BMPR1B: variants seen among roughly 807,000 people sequenced by gnomAD.
BMPR1B encodes the protein bone morphogenetic protein receptor type 1B.
A neutral mutation model predicts 59.1 loss-of-function variants in BMPR1B; 12 were observed. That is an observed-to-expected ratio of 0.20 (90% CI 0.13 to 0.33). The LOEUF is 0.33. Ranked by LOEUF, BMPR1B falls within the 10% of genes least tolerant of loss-of-function variation. The pLI is 1.00. For missense variants in BMPR1B, 550 were observed against 610.9 expected (o/e 0.90, Z 1.05); for synonymous variants, 237 against 207.3 (o/e 1.14, Z -1.23).
intron 3 of BMPR1B, among the ~76,000 whole-genome samples, chr4:95,053,281 T>TTTGTGTGTG (rs947790944): frequency 1.4e-4 from 19 of 134,324 alleles, no homozygotes; most frequent in African/African-American, 3.6e-4. Context: ...TGCAGGGCAC[T>TTTGTGTGTG]TGTGTGTGTG....
intron 3 of BMPR1B, among the ~76,000 whole-genome samples, chr4:95,088,510 G>T (rs1669948714): frequency 6.6e-6 from 1 of 152,108 alleles, no homozygotes; most frequent in Admixed American, 6.5e-5. Flanking sequence ...AGGATATAAT[G>T]ATCCTAGAGG....
At chr4:94,851,000 C>T (rs888765803) in intron 1 of BMPR1B, among the ~76,000 whole-genome samples, 29 of 152,054 alleles carry the variant, frequency 1.9e-4, no homozygotes, top group Admixed American at 6.5e-4. Context: ...AATCACTAAA[C>T]GTTTATTAGA....
At chr4:94,800,899 T>C (rs11929751) in intron 1 of BMPR1B, among the ~76,000 whole-genome samples, 48,080 of 152,064 alleles carry the variant, frequency 0.32, 8,203 homozygotes, top group African/African-American at 0.44. Flanking sequence ...GGATACAACC[T>C]ATTGTGGTCC....
At chr4:94,835,953 C>T (rs919229063) in intron 1 of BMPR1B, among the ~76,000 whole-genome samples, 5 of 142,248 alleles carry the variant, frequency 3.5e-5, no homozygotes, top group African/African-American at 1.3e-4. Flanking sequence ...TGTTCCCCTT[C>T]CTGTGTCCAT....
chr4:95,075,637 C>T (rs1579036424), intron 3 of BMPR1B, among the ~76,000 whole-genome samples: 1 of 152,262 alleles, frequency 6.6e-6, no homozygotes, highest in East Asian at 1.9e-4. Context: ...CAAGTAGGCA[C>T]TCAGATACAG....
At chr4:95,064,317 C>G (rs955079087) in intron 3 of BMPR1B, among the ~76,000 whole-genome samples, 11 of 152,172 alleles carry the variant, frequency 7.2e-5, no homozygotes, top group Admixed American at 1.3e-4. Context: ...GGCAAGTGAG[C>G]ATTATCGCCT....
At chr4:94,842,907 CACTG>C in intron 1 of BMPR1B, among the ~76,000 whole-genome samples, 1 of 116,242 alleles carries the variant, frequency 8.6e-6, no homozygotes, top group East Asian at 2.3e-4. Flanking sequence ...TACACATACA[CACTG>C]TGTGTATGCA....
chr4:95,062,898 GT>G (rs1727506526), intron 3 of BMPR1B, among the ~76,000 whole-genome samples: 1 of 152,046 alleles, frequency 6.6e-6, no homozygotes, highest in South Asian at 2.1e-4. Flanking sequence ...ACTGACTTTG[GT>G]TTTGCAAGCC....
At chr4:94,839,591 T>C (rs916990020) in intron 1 of BMPR1B, among the ~76,000 whole-genome samples, 6 of 149,592 alleles carry the variant, frequency 4.0e-5, no homozygotes, top group African/African-American at 1.5e-4. Context: ...ACCCCTGCCT[T>C]TTTTTGTTTT....
At chr4:94,869,507 G>T (rs1369880519) in intron 1 of BMPR1B, among the ~76,000 whole-genome samples, 3 of 152,146 alleles carry the variant, frequency 2.0e-5, no homozygotes, top group African/African-American at 7.2e-5. Flanking sequence ...ATGCTATTCA[G>T]ATAACATGTA....
intron 1 of BMPR1B, among the ~76,000 whole-genome samples, chr4:94,782,802 A>G (rs899031928): frequency 1.3e-5 from 2 of 152,154 alleles, no homozygotes; most frequent in Non-Finnish European, 2.9e-5. Flanking sequence ...GCTCTCTCAC[A>G]GGTAGTTTCT....
chr4:94,925,381 C>T (rs563059645), intron 2 of BMPR1B, among the ~76,000 whole-genome samples: 9 of 152,198 alleles, frequency 5.9e-5, no homozygotes, highest in African/African-American at 1.9e-4. Context: ...TGAGGCAATA[C>T]ACAGGACTAT....
chr4:95,072,438 C>T (rs1234016123), intron 3 of BMPR1B, among the ~76,000 whole-genome samples: 1 of 152,148 alleles, frequency 6.6e-6, no homozygotes, highest in East Asian at 1.9e-4. Context: ...CAGGAAGCAT[C>T]TTAGGCTTAG....
chr4:95,028,893 G>GA (rs1343851766), intron 3 of BMPR1B, among the ~76,000 whole-genome samples: 1 of 151,806 alleles, frequency 6.6e-6, no homozygotes, highest in Non-Finnish European at 1.5e-5. Context: ...ACATTAATTA[G>GA]AAAATGTTTA....
chr4:95,024,853 A>C (rs2149142430), intron 3 of BMPR1B, among the ~76,000 whole-genome samples: 1 of 152,344 alleles, frequency 6.6e-6, no homozygotes, highest in African/African-American at 2.4e-5. Context: ...CTGTAATCCC[A>C]GCACTTTGGG....
intron 10 of BMPR1B, among the ~76,000 whole-genome samples, chr4:95,139,076 T>C (rs925818475): frequency 1.7e-4 from 26 of 152,290 alleles, no homozygotes; most frequent in African/African-American, 6.3e-4. Context: ...ATGATGGTGA[T>C]GTACAGATGG....
intron 1 of BMPR1B, among the ~76,000 whole-genome samples, chr4:94,846,993 T>G (rs1451335334): frequency 6.6e-6 from 1 of 151,988 alleles, no homozygotes; most frequent in Non-Finnish European, 1.5e-5. Context: ...TAAAAGAAAG[T>G]CAACAAAGTG....
rs75616358 is a variant in BMPR1B, at chr4:94,792,029, A to T, written c.-183+33961A>T. Among the ~76,000 whole-genome samples, 1,144 of 152,308 alleles carry T rather than the reference A, an allele frequency of 7.5e-3. 15 individuals carry two copies. Among genetic ancestry groups the T allele is most frequent in the African/African-American group, 0.026 (1,096 of 41,576 alleles). ...TTTTGAAAAGATGTATAAATGCTTA[A>T]GACACTAAGCTAAGTAGTTCCTCAT... On this transcript the variant is annotated intron_variant, in intron 1 of 12. Transcript: ENST00000515059.
At chr4:94,936,649 G>A (rs1560555993) in intron 2 of BMPR1B, among the ~76,000 whole-genome samples, 1 of 152,032 alleles carries the variant, frequency 6.6e-6, no homozygotes, top group Non-Finnish European at 1.5e-5. Flanking sequence ...GTTTCTTCTT[G>A]TTGATACTTT....
Sources: allele counts gnomAD v4.1 joint callset (sites outside exome capture counted in the v4.1 genomes callset), GRCh38; gene constraint gnomAD v4.1.1; transcripts MANE v1.5; gene names NCBI Gene and HGNC (gene_info 2026-07-23, HGNC 2026-07-21).